The following SNTB1 variants were observed in gnomAD, a reference collection of about 807,000 sequenced individuals.
SNTB1 encodes the protein syntrophin beta 1, also known as beta-1-syntrophin.
Under a neutral mutation model 48.9 loss-of-function variants are expected in SNTB1, and 36 were observed. That is an observed-to-expected ratio of 0.74 (90% CI 0.56 to 0.97). SNTB1 has a LOEUF of 0.97. Ranked by LOEUF, SNTB1 falls within the 50% of genes least tolerant of loss-of-function variation. The probability of loss-of-function intolerance (pLI) is 0.00; values close to 1 mark genes in which losing one functional copy is unlikely to be tolerated. For synonymous variants in SNTB1, 299 were observed against 294.6 expected (o/e 1.01, Z -0.15); for missense variants, 786 against 703.4 (o/e 1.12, Z -1.33).
chr8:120,664,969 A>T (rs1395282028), intron 2 of SNTB1, among the ~76,000 whole-genome samples: 1 of 152,234 alleles, frequency 6.6e-6, no homozygotes, highest in Non-Finnish European at 1.5e-5. Flanking sequence ...AGCTAGATTC[A>T]TATGAATGTA....
intron 1 of SNTB1, among the ~76,000 whole-genome samples, chr8:120,748,163 T>C (rs956916626): frequency 2.6e-5 from 4 of 152,210 alleles, no homozygotes; most frequent in African/African-American, 4.8e-5. Context: ...GATAAATTAG[T>C]TTGACTCTAC....
At chr8:120,683,192 T>C (rs1452688318) in intron 2 of SNTB1, among the ~76,000 whole-genome samples, 1 of 152,134 alleles carries the variant, frequency 6.6e-6, no homozygotes, top group East Asian at 1.9e-4. Flanking sequence ...GTTTTTAGTT[T>C]TAAATTGAAT....
At chr8:120,657,433 G>A (rs1045801736) in intron 2 of SNTB1, among the ~76,000 whole-genome samples, 1 of 152,200 alleles carries the variant, frequency 6.6e-6, no homozygotes, top group South Asian at 2.1e-4. Flanking sequence ...GTCTTGAAAG[G>A]AATCTGAGGC....
At chr8:120,750,437 T>C (rs1819192203) in intron 1 of SNTB1, among the ~76,000 whole-genome samples, 1 of 152,178 alleles carries the variant, frequency 6.6e-6, no homozygotes, top group African/African-American at 2.4e-5. Context: ...TTTCTCTAGG[T>C]TTCACCTTAT....
rs1410603052 is a variant in SNTB1, at chr8:120,564,480, C to T, written c.1136+10606G>A. On this transcript the variant is annotated intron_variant, in intron 4 of 6. Coordinates refer to ENST00000517992, the MANE Select transcript of SNTB1 (RefSeq NM_021021.4). ...AATAAATACCTGTTGTTGAAGCCAC[C>T]CAGTCTATAGTATTTTGTTATGGCT... Among the ~76,000 whole-genome samples the T allele has an allele frequency of 2.1e-5, 3 of 144,504 alleles. No individual in the cohort carries two copies. The Admixed American group carries it at 2.1e-4, about 10-fold the overall frequency. The allele number at this position is 144,504 out of a possible 152,430, so 94.8% of individuals were successfully genotyped here.
intron 1 of SNTB1, among the ~76,000 whole-genome samples, chr8:120,701,976 A>G (rs78481410): frequency 6.6e-6 from 1 of 152,362 alleles, no homozygotes; most frequent in South Asian, 2.1e-4. Flanking sequence ...TGATTCTTCA[A>G]CAAAGCAAGA....
chr8:120,548,998 T>A, intron 4 of SNTB1, 40 bp from the exon 5 acceptor site: 7 of 1,483,460 alleles, frequency 4.7e-6, no homozygotes, highest in Non-Finnish European at 6.4e-6. Flanking sequence ...AAATGGAGAC[T>A]AGTTTATTCA....
chr8:120,777,689 T>C (rs1434874584), intron 1 of SNTB1, among the ~76,000 whole-genome samples: 1 of 152,166 alleles, frequency 6.6e-6, no homozygotes, highest in African/African-American at 2.4e-5. Context: ...TAGGACCACA[T>C]TTTTCCTAAC....
chr8:120,584,502 A>G (rs1315293810), intron 3 of SNTB1, among the ~76,000 whole-genome samples: 1 of 149,546 alleles, frequency 6.7e-6, no homozygotes, highest in African/African-American at 2.4e-5. Context: ...AAAAAAGTTT[A>G]GGGAAAATGT....
rs76108333 is a variant in SNTB1, at chr8:120,719,535, G to T, written c.572-25627C>A. On this transcript the variant is annotated intron_variant, in intron 1 of 6. Coordinates refer to ENST00000517992, the MANE Select transcript of SNTB1 (RefSeq NM_021021.4). ...TGGTTGGTCTGAGTCTGTCTAGCTT[G>T]CCCAGGTTGAGATGGCTGATCTGAT... 3.7e-3 allele frequency among the ~76,000 whole-genome samples: 570 copies of T among 152,278 alleles called. 4 individuals carry two copies. Among genetic ancestry groups the T allele is most frequent in the African/African-American group, 0.013 (543 of 41,548 alleles).
intron 3 of SNTB1, among the ~76,000 whole-genome samples, chr8:120,605,320 C>G (rs897077195): frequency 6.6e-6 from 1 of 152,172 alleles, no homozygotes; most frequent in African/African-American, 2.4e-5. Flanking sequence ...CAGCTTGTCT[C>G]TGAAAGGAGG....
At chr8:120,669,223 A>G (rs573365433) in intron 2 of SNTB1, among the ~76,000 whole-genome samples, 1 of 152,348 alleles carries the variant, frequency 6.6e-6, no homozygotes, top group African/African-American at 2.4e-5. Flanking sequence ...GCACTAAAGG[A>G]ACTTTTTCTG....
chr8:120,636,369 T>A (rs1261982615), intron 2 of SNTB1, among the ~76,000 whole-genome samples: 2 of 140,002 alleles, frequency 1.4e-5, no homozygotes, highest in African/African-American at 5.2e-5. Context: ...ATTAGGTATA[T>A]CTCCCGATGC....
At chr8:120,580,761 T>C (rs1816035115) in intron 3 of SNTB1, among the ~76,000 whole-genome samples, 1 of 152,156 alleles carries the variant, frequency 6.6e-6, no homozygotes, top group Admixed American at 6.5e-5. Context: ...AAACATTAGA[T>C]AATTAATCCC....
At chr8:120,643,433 C>T (rs887932855) in intron 2 of SNTB1, among the ~76,000 whole-genome samples, 10 of 152,180 alleles carry the variant, frequency 6.6e-5, no homozygotes, top group African/African-American at 2.4e-4. Flanking sequence ...TCCCACCCTT[C>T]CTCCTGAGTC....
At chr8:120,732,241 G>T (rs1030144620) in intron 1 of SNTB1, among the ~76,000 whole-genome samples, 3 of 152,082 alleles carry the variant, frequency 2.0e-5, no homozygotes, top group African/African-American at 7.2e-5. Context: ...AGGTTAACTC[G>T]ACTCATTTCT....
intron 1 of SNTB1, among the ~76,000 whole-genome samples, chr8:120,700,236 A>T (rs1818284791): frequency 2.6e-5 from 4 of 151,830 alleles, no homozygotes; most frequent in Admixed American, 2.6e-4. Context: ...GAAAACATCC[A>T]ATTAAGAGGC....
chr8:120,755,189 C>CGA (rs976487997), intron 1 of SNTB1, among the ~76,000 whole-genome samples: 7 of 141,624 alleles, frequency 4.9e-5, no homozygotes, highest in Non-Finnish European at 9.2e-5. Context: ...AGAGAGAGAG[C>CGA]GAGAGAGAGA....
chr8:120,581,088 C>CAAAAAAAAAAAA (rs775547135), intron 3 of SNTB1, among the ~76,000 whole-genome samples: 6 of 89,948 alleles, frequency 6.7e-5, no homozygotes, highest in Non-Finnish European at 9.8e-5. Flanking sequence ...GACCCTGTCT[C>CAAAAAAAAAAAA]AAAAAAAAAA....
Sources: allele counts gnomAD v4.1 joint callset (sites outside exome capture counted in the v4.1 genomes callset), GRCh38; gene constraint gnomAD v4.1.1; transcripts MANE v1.5; gene names NCBI Gene and HGNC (gene_info 2026-07-23, HGNC 2026-07-21).